The following PCBP3 variants were observed in gnomAD, a reference collection of about 807,000 sequenced individuals.
PCBP3 encodes the protein poly(rC)-binding protein 3.
PCBP3 carries 25 observed loss-of-function variants against 52.7 expected under a neutral mutation model. The observed-to-expected ratio is 0.47, with a 90% CI of 0.35 to 0.66. PCBP3 has a LOEUF of 0.66. Among genes scored for constraint, PCBP3 ranks in the 30% least tolerant of loss-of-function variants. The probability of loss-of-function intolerance (pLI) is 0.01; values close to 1 mark genes in which losing one functional copy is unlikely to be tolerated. For missense variants in PCBP3, 391 were observed against 490.3 expected (o/e 0.80, Z 1.91); for synonymous variants, 162 against 183.0 (o/e 0.89, Z 0.93).
Position 45,927,224 on chromosome 21 carries a change from A to G in PCBP3, c.718-2693A>G, listed in dbSNP as rs866037489. Among the ~76,000 whole-genome samples the G allele has an allele frequency of 8.6e-5, 9 of 104,644 alleles. No individual in the cohort carries two copies. The Admixed American group carries it at 9.9e-4, about 12-fold the overall frequency. The allele number at this position is 104,644 out of a possible 152,430, so 68.7% of individuals were successfully genotyped here. ...CAATGTGAAATAGAAAAGACAGTTT[A>G]CAGAGAAACATCAGTAATGGGATAC... On this transcript the variant is annotated intron_variant, in intron 13 of 17. Transcript: ENST00000681687.
At position 45,931,258 on chromosome 21, in the gene PCBP3, C is replaced by T. The variant is rs964713098; in HGVS notation, c.856+413C>T. ...CACATAGATTTGTAGATTCAGTGAC[C>T]AAGGCCATGAAACAGACACAGTTGT... is the stretch of plus-strand genomic sequence containing the variant. On this transcript the variant is annotated intron_variant, in intron 15 of 17. Coordinates refer to ENST00000681687, the MANE Select transcript of PCBP3 (RefSeq NM_001384156.1). Among the ~76,000 whole-genome samples, 11 of 152,342 alleles carry T rather than the reference C, an allele frequency of 7.2e-5. No individual in the cohort carries two copies. In the South Asian group the frequency reaches 2.1e-3, roughly 29 times the overall value.
In PCBP3 at chr21:45,938,799, G is replaced by C. The variant is rs555407903; in HGVS notation, c.910-1231G>C. On this transcript the variant is annotated intron_variant, in intron 16 of 17. Transcript: ENST00000681687. ...CCAGTGAGACAGCTGTCATTTCCTTGTAACCAGCAGAGATGGCCTCTAAGG... is the reference window on the plus strand; with the variant it reads ...CCAGTGAGACAGCTGTCATTTCCTTCTAACCAGCAGAGATGGCCTCTAAGG... Among the ~76,000 whole-genome samples, 9 of 152,318 alleles carry C rather than the reference G, an allele frequency of 5.9e-5. No individual in the cohort carries two copies. The South Asian group carries it at 1.7e-3, about 28-fold the overall frequency.
At chr21:45,683,988 G>T (rs1006444308) in intron 2 of PCBP3, among the ~76,000 whole-genome samples, 1 of 148,476 alleles carries the variant, frequency 6.7e-6, no homozygotes, top group Middle Eastern at 3.6e-3. Context: ...TGTAATCTCA[G>T]TGCTTTGGGA....
chr21:45,894,474 T>C (rs2148986691), intron 5 of PCBP3, among the ~76,000 whole-genome samples: 1 of 152,158 alleles, frequency 6.6e-6, no homozygotes, highest in East Asian at 1.9e-4. Flanking sequence ...GCCAGGCTTA[T>C]CTCAGGGTGC....
At chr21:45,860,082 G>A (rs1371464238) in intron 5 of PCBP3, among the ~76,000 whole-genome samples, 2 of 152,102 alleles carry the variant, frequency 1.3e-5, no homozygotes, top group African/African-American at 4.8e-5. Context: ...TTGTGGATGG[G>A]GTCTAACCTC....
Position 45,736,606 on chromosome 21 carries a change from C to T in PCBP3, c.-162+1177C>T, listed in dbSNP as rs1269299304. ...TGGGGAGTTGGCAGGGGGAGGCTCT[C>T]GGAGAGATGGCATGGAGGGGTTGGG... On this transcript the variant is annotated intron_variant, in intron 3 of 17. Transcript: ENST00000681687. This position sits in a 1 kb window ranked among gnomAD's most constrained non-coding sequence, Gnocchi z 4.6. 6.6e-6 allele frequency among the ~76,000 whole-genome samples: 1 copy of T among 151,830 alleles called. No homozygotes were observed. The highest frequency in any genetic ancestry group is 1.5e-5 in the Non-Finnish European group (1 of 67,976).
intron 5 of PCBP3, among the ~76,000 whole-genome samples, chr21:45,866,201 A>G (rs2094717559): frequency 1.3e-5 from 2 of 152,120 alleles, no homozygotes; most frequent in South Asian, 4.1e-4. Flanking sequence ...CCACCAGACT[A>G]TGTCAGAAGC....
chr21:45,650,154 C>A (rs563777590), intron 1 of PCBP3, among the ~76,000 whole-genome samples: 122 of 151,542 alleles, frequency 8.1e-4, no homozygotes, highest in Non-Finnish European at 1.4e-3. Flanking sequence ...TAGTGAGACC[C>A]CATTTTTACA....
chr21:45,884,566 A>G (rs2095475709), intron 5 of PCBP3, among the ~76,000 whole-genome samples: 1 of 151,912 alleles, frequency 6.6e-6, no homozygotes, highest in Non-Finnish European at 1.5e-5. Flanking sequence ...GTGTGTGTGC[A>G]TGTATAATGT....
intron 3 of PCBP3, among the ~76,000 whole-genome samples, chr21:45,738,455 C>G (rs576969011): frequency 6.6e-6 from 1 of 152,110 alleles, no homozygotes; most frequent in African/African-American, 2.4e-5. Flanking sequence ...GGGGTTTCAC[C>G]GTGTTCGCCA....
chr21:45,657,911 C>T lies in PCBP3; in HGVS notation c.-278-10963C>T, dbSNP rs747066128. Among the ~76,000 whole-genome samples the T allele has an allele frequency of 3.0e-4, 46 of 152,128 alleles. 1 individual carries two copies. The highest frequency in any genetic ancestry group is 2.3e-3 in the Admixed American group (35 of 15,276). Reference sequence around the variant, plus strand: ...CTGCATGCCTTTTTAAAATTTTTCTCATGTAATTGCCCTGGTTATAAGCTT... The same window carrying T: ...CTGCATGCCTTTTTAAAATTTTTCTTATGTAATTGCCCTGGTTATAAGCTT... On this transcript the variant is annotated intron_variant, in intron 1 of 17. Coordinates refer to ENST00000681687, the MANE Select transcript of PCBP3 (RefSeq NM_001384156.1).
chr21:45,862,555 G>A (rs2094550572), intron 5 of PCBP3, among the ~76,000 whole-genome samples: 1 of 152,102 alleles, frequency 6.6e-6, no homozygotes, highest in Non-Finnish European at 1.5e-5. Context: ...TCTTTTGCAT[G>A]TACACATATT....
At chr21:45,774,825 C>T (rs1372297222) in intron 4 of PCBP3, among the ~76,000 whole-genome samples, 2 of 152,086 alleles carry the variant, frequency 1.3e-5, no homozygotes, top group African/African-American at 4.8e-5. Flanking sequence ...TTATTGATTT[C>T]TGTATGTTAA....
At chr21:45,650,011 A>G (rs2079573458) in intron 1 of PCBP3, among the ~76,000 whole-genome samples, 1 of 152,010 alleles carries the variant, frequency 6.6e-6, no homozygotes, top group Admixed American at 6.6e-5. Flanking sequence ...ATTTCCTGGG[A>G]GAAACTGTGA....
intron 2 of PCBP3, among the ~76,000 whole-genome samples, chr21:45,698,548 G>A (rs1367284120): frequency 6.6e-6 from 1 of 152,248 alleles, no homozygotes; most frequent in East Asian, 1.9e-4. Context: ...ATGTGACATA[G>A]AGGAAAAGAA....
chr21:45,924,953 G>A (rs1212813338), intron 13 of PCBP3, among the ~76,000 whole-genome samples: 6 of 58,500 alleles, frequency 1.0e-4, no homozygotes, highest in African/African-American at 4.2e-4. Context: ...GAGGAGATGC[G>A]AACACCGGGA....
At position 45,899,617 on chromosome 21, in the gene PCBP3, G is replaced by A. The variant is rs2095969126; in HGVS notation, c.184G>A (p.Gly62Arg). 4.3e-6 allele frequency: 7 copies of A among 1,609,756 alleles called. No individual in the cohort carries two copies. The highest frequency in any genetic ancestry group is 5.1e-6 in the Non-Finnish European group (6 of 1,176,238). ...MHGKEVGSII[G>R]KKGETVKKMR... ...CTTGCAGGAAGTTGGAAGCATCATC[G>A]GGAAGGTAATTATTGATTGAATCTC... is the stretch of plus-strand genomic sequence containing the variant. The change falls in exon 7 of 18, where the codon GGG becomes AGG. Residue 62 changes from glycine (G) to arginine (R), a missense_variant. Coordinates refer to ENST00000681687, the MANE Select transcript of PCBP3 (RefSeq NM_001384156.1).
At chr21:45,760,297 C>T (rs2088502475) in intron 4 of PCBP3, 1 of 152,216 alleles carries the variant, frequency 6.6e-6, no homozygotes, top group Admixed American at 6.5e-5. Context: ...CTGCCTCAGC[C>T]TCCTGAGCAC....
chr21:45,676,600 T>C (rs1450572744), intron 2 of PCBP3, among the ~76,000 whole-genome samples: 1 of 152,138 alleles, frequency 6.6e-6, no homozygotes, highest in Admixed American at 6.5e-5. Flanking sequence ...CCATATAAGA[T>C]GTTCTATGTG....
Sources: gnomAD v4.1 joint callset for allele counts (sites outside exome capture counted in the v4.1 genomes callset) on GRCh38, gnomAD v4.1.1 for gene constraint, Gnocchi (gnomAD v3.1) non-coding constraint, MANE v1.5 for transcripts, NCBI Gene and HGNC (gene_info 2026-07-23, HGNC 2026-07-21) for gene names.